LMX1B: variants seen among roughly 807,000 people sequenced by gnomAD.
The protein encoded by LMX1B is LIM homeobox transcription factor 1 beta.
A neutral mutation model predicts 51.4 loss-of-function variants in LMX1B; 12 were observed. The observed-to-expected ratio is 0.23, with a 90% CI of 0.15 to 0.38. The LOEUF is 0.38. Ranked by LOEUF, LMX1B falls within the 10% of genes least tolerant of loss-of-function variation. LMX1B has a pLI of 1.00. For synonymous variants in LMX1B, 237 were observed against 235.4 expected (o/e 1.01, Z -0.06); for missense variants, 445 against 571.1 (o/e 0.78, Z 2.25).
chr9:126,639,000 AAGG>A (rs1835763589), intron 2 of LMX1B, among the ~76,000 whole-genome samples: 1 of 150,376 alleles, frequency 6.6e-6, no homozygotes, highest in Admixed American at 6.6e-5. Flanking sequence ...AATAATTGGG[AAGG>A]AGAATTGGAG....
At chr9:126,638,302 C>T (rs1835750525) in intron 2 of LMX1B, among the ~76,000 whole-genome samples, 1 of 152,156 alleles carries the variant, frequency 6.6e-6, no homozygotes, top group Non-Finnish European at 1.5e-5. Context: ...CAGGTGTGCC[C>T]GGATGGAGTT....
intron 2 of LMX1B, among the ~76,000 whole-genome samples, chr9:126,637,625 C>G (rs929863530): frequency 1.4e-4 from 22 of 152,158 alleles, no homozygotes; most frequent in Admixed American, 1.4e-3. Flanking sequence ...ACTGTGGGCC[C>G]TGCGGGTGTG....
In LMX1B at chr9:126,614,012, G is replaced by A. The variant is rs1835241197; in HGVS notation, c.-438G>A. 7.1e-6 allele frequency among the ~76,000 whole-genome samples: 1 copy of A among 140,994 alleles called. No homozygotes were observed. Among genetic ancestry groups the A allele is most frequent in the Non-Finnish European group, 1.6e-5 (1 of 63,812 alleles). 92.5% of individuals were successfully genotyped at this position (140,994 alleles called of 152,430 possible). Reference sequence around the variant, plus strand: ...GAGCGCGCCCGGAGCCCCGCGGCCCGCTGCGCCCCGCCCGGGACCCCGCTG... The same window carrying A: ...GAGCGCGCCCGGAGCCCCGCGGCCCACTGCGCCCCGCCCGGGACCCCGCTG... On this transcript the variant is annotated 5_prime_UTR_variant, in exon 1 of 8. Coordinates refer to ENST00000373474, the MANE Select transcript of LMX1B (RefSeq NM_001174147.2).
At position 126,696,397 on chromosome 9, in the gene LMX1B, G is replaced by A. The variant is rs1358360859; in HGVS notation, c.1155G>A (p.Val385=). 1 of 1,614,086 alleles carries A rather than the reference G, an allele frequency of 6.2e-7. No homozygotes were observed. The highest frequency in any genetic ancestry group is 8.5e-7 in the Non-Finnish European group (1 of 1,179,974). The change falls in exon 8 of 8, where the codon GTG becomes GTA. Residue 385 remains valine (V), a synonymous_variant. Transcript: ENST00000373474. ...ACGTGGGCTCCCTGCAGGCCCGCGT[G>A]GGGAACCCCATCGACCGGCTCTACT... ...SSDVGSLQAR[V]GNPIDRLYSM...
chr9:126,667,960 C>T (rs1445396422), intron 2 of LMX1B, among the ~76,000 whole-genome samples: 1 of 152,086 alleles, frequency 6.6e-6, no homozygotes, highest in East Asian at 1.9e-4. Flanking sequence ...TTAGGGAAAG[C>T]GGAGGCAGCT....
intron 2 of LMX1B, among the ~76,000 whole-genome samples, chr9:126,624,372 T>A (rs1164740114): frequency 1.3e-5 from 2 of 152,226 alleles, no homozygotes; most frequent in Admixed American, 6.5e-5. Flanking sequence ...GCATTTTCAT[T>A]CCTTGTTGAG....
In LMX1B at chr9:126,671,631, T is replaced by C. The variant is rs1176276963; in HGVS notation, c.327-19205T>C. 2.0e-5 allele frequency among the ~76,000 whole-genome samples: 3 copies of C among 152,194 alleles called. No individual in the cohort carries two copies. Among genetic ancestry groups the C allele is most frequent in the Non-Finnish European group, 2.9e-5 (2 of 68,038 alleles). On this transcript the variant is annotated intron_variant, in intron 2 of 7. Transcript: ENST00000373474. This position sits in a 1 kb window ranked among gnomAD's most constrained non-coding sequence, Gnocchi z 4.4. ...CCGGCTCTGGCTCTCTAATCCTGTATCTTTTGAAAGATAGGCGCACCCCGG... is the reference window on the plus strand; with the variant it reads ...CCGGCTCTGGCTCTCTAATCCTGTACCTTTTGAAAGATAGGCGCACCCCGG...
chr9:126,619,060 C>T (rs1354729376), intron 2 of LMX1B, among the ~76,000 whole-genome samples: 1 of 152,220 alleles, frequency 6.6e-6, no homozygotes, highest in Non-Finnish European at 1.5e-5. Flanking sequence ...GCTGGGGGCC[C>T]TTTGGGCTCG....
rs1442284211 is a variant in LMX1B, at chr9:126,673,398, A to G, written c.327-17438A>G. 6.6e-6 allele frequency among the ~76,000 whole-genome samples: 1 copy of G among 152,194 alleles called. No individual in the cohort carries two copies. Among genetic ancestry groups the G allele is most frequent in the Non-Finnish European group, 1.5e-5 (1 of 68,032 alleles). On this transcript the variant is annotated intron_variant, in intron 2 of 7. Coordinates refer to ENST00000373474, the MANE Select transcript of LMX1B (RefSeq NM_001174147.2). This position sits in a 1 kb window ranked among gnomAD's most constrained non-coding sequence, Gnocchi z 4.4. ...ACAACTCCGCACCAGGGAGCTGGGCAGATCTGAGAGCCGCACAGGAGGCCA... is the reference window on the plus strand; with the variant it reads ...ACAACTCCGCACCAGGGAGCTGGGCGGATCTGAGAGCCGCACAGGAGGCCA...
chr9:126,668,998 GAC>G (rs1330997211), intron 2 of LMX1B, among the ~76,000 whole-genome samples: 1 of 152,256 alleles, frequency 6.6e-6, no homozygotes, highest in African/African-American at 2.4e-5. Context: ...GTCATGGCCA[GAC>G]TCGTTTGCTC....
chr9:126,657,242 A>T (rs1001337893), intron 2 of LMX1B, among the ~76,000 whole-genome samples: 4 of 152,246 alleles, frequency 2.6e-5, no homozygotes, highest in Non-Finnish European at 5.9e-5. Context: ...CAGCTTGGCA[A>T]AGTGAACATA....
chr9:126,651,101 AG>A (rs1392827367), intron 2 of LMX1B, among the ~76,000 whole-genome samples: 3 of 151,794 alleles, frequency 2.0e-5, no homozygotes, highest in Non-Finnish European at 4.4e-5. Flanking sequence ...AGGGTGGAGG[AG>A]AAGGGCCTGC....
At chr9:126,689,961 T>C (rs1307903771) in intron 2 of LMX1B, among the ~76,000 whole-genome samples, 2 of 152,130 alleles carry the variant, frequency 1.3e-5, no homozygotes, top group Non-Finnish European at 2.9e-5. Flanking sequence ...ACTCTATACG[T>C]GCTCAGTGAA....
At chr9:126,637,765 G>T (rs1363773933) in intron 2 of LMX1B, among the ~76,000 whole-genome samples, 1 of 151,738 alleles carries the variant, frequency 6.6e-6, no homozygotes, top group African/African-American at 2.4e-5. Context: ...TCTATCACGT[G>T]CAGGGGAGGG....
rs942119929 is a variant in LMX1B, at chr9:126,673,962, T to G, written c.327-16874T>G. On this transcript the variant is annotated intron_variant, in intron 2 of 7. Transcript: ENST00000373474. This position sits in a 1 kb window ranked among gnomAD's most constrained non-coding sequence, Gnocchi z 4.4. ...CAGCTGCCTTGTCTGTCCGTCTGTT[T>G]GGGAGATGCTGGCTGATAGATGGGG... Among the ~76,000 whole-genome samples, 2 of 152,144 alleles carry G rather than the reference T, an allele frequency of 1.3e-5. No individual in the cohort carries two copies. The highest frequency in any genetic ancestry group is 4.8e-5 in the African/African-American group (2 of 41,424).
intron 2 of LMX1B, among the ~76,000 whole-genome samples, chr9:126,638,730 C>G (rs895176595): frequency 6.6e-6 from 1 of 152,224 alleles, no homozygotes; most frequent in Non-Finnish European, 1.5e-5. Flanking sequence ...CTTCGGAGCG[C>G]GCTCCGATCT....
intron 2 of LMX1B, among the ~76,000 whole-genome samples, chr9:126,672,001 G>A (rs998571677): frequency 3.3e-5 from 5 of 152,232 alleles, no homozygotes; most frequent in Non-Finnish European, 4.4e-5. Flanking sequence ...AGCTGTGGCC[G>A]TGATGGGACC....
chr9:126,669,933 G>T (rs1836419388), intron 2 of LMX1B, among the ~76,000 whole-genome samples: 1 of 152,152 alleles, frequency 6.6e-6, no homozygotes, highest in Non-Finnish European at 1.5e-5. Context: ...AAGTGGAGGG[G>T]GTAGGAGAGA....
intron 2 of LMX1B, among the ~76,000 whole-genome samples, chr9:126,655,125 G>A (rs576416270): frequency 6.6e-6 from 1 of 152,374 alleles, no homozygotes; most frequent in East Asian, 1.9e-4. Context: ...TGAATGTGAC[G>A]AAGACTTGTG....
Sources: gnomAD v4.1 joint callset for allele counts (sites outside exome capture counted in the v4.1 genomes callset) on GRCh38, gnomAD v4.1.1 for gene constraint, Gnocchi (gnomAD v3.1) non-coding constraint, MANE v1.5 for transcripts, NCBI Gene and HGNC (gene_info 2026-07-23, HGNC 2026-07-21) for gene names.